CAPN5: variants seen among roughly 807,000 people sequenced by gnomAD.
CAPN5 encodes the protein calpain-5.
In CAPN5, 54 loss-of-function variants were observed where a neutral mutation model predicts 73.0. That is an observed-to-expected ratio of 0.74 (90% confidence interval 0.59 to 0.93). The LOEUF is 0.93. CAPN5 is among the 40% of genes least tolerant of loss of function. The pLI, the probability that CAPN5 is intolerant of heterozygous loss-of-function variation, is 0.00. For missense variants in CAPN5, 785 were observed against 882.9 expected, an observed-to-expected ratio of 0.89 and a Z score of 1.41; for synonymous variants, 335 against 356.9, an observed-to-expected ratio of 0.94 and a Z score of 0.69.
At chr11:77,106,918 C>T (rs1196215894) in intron 3 of CAPN5, among the ~76,000 whole-genome samples, 2 of 152,216 alleles carry the variant, frequency 1.3e-5, no homozygotes, top group African/African-American at 4.8e-5. Flanking sequence ...CCTCCTCCGT[C>T]ACCATCGCCA....
chr11:77,106,450 C>G (rs1316852455), intron 3 of CAPN5, among the ~76,000 whole-genome samples: 1 of 152,116 alleles, frequency 6.6e-6, no homozygotes, highest in Admixed American at 6.5e-5. Flanking sequence ...CCCTGGAAAC[C>G]ACAGGGAAAG....
Position 77,114,338 on chromosome 11 carries a change from G to A in CAPN5, c.603G>A (p.Glu201=), listed in dbSNP as rs782330727. 1 of 1,614,212 alleles carries A rather than the reference G, an allele frequency of 6.2e-7. No homozygotes were observed. The highest frequency in any genetic ancestry group is 8.5e-7 in the Non-Finnish European group (1 of 1,180,044). Residue 201 remains glutamate (E), a synonymous_variant, in exon 5 of 13, where the codon GAG becomes GAA. Transcript: ENST00000648180. ...TTTCTGAGCCCATCGACCTGACCGA[G>A]GGTGACTTTGCCAACGATGAGACTA... The part of the protein sequence containing the change: ...GGVSEPIDLT[E]GDFANDETKR...
intron 3 of CAPN5, among the ~76,000 whole-genome samples, chr11:77,101,570 G>C: frequency 6.6e-6 from 1 of 152,156 alleles, no homozygotes; most frequent in East Asian, 1.9e-4. Flanking sequence ...GTCTCCCTTG[G>C]TGCCCCTCTG....
Position 77,093,781 on chromosome 11 carries a change from T to C in CAPN5, c.265T>C (p.Ser89Pro). The C allele has an allele frequency of 2.5e-6, 4 of 1,611,956 alleles. No individual in the cohort carries two copies. The highest frequency in any genetic ancestry group is 3.4e-6 in the Non-Finnish European group (4 of 1,179,962). The change falls in exon 3 of 13, where the codon TCA becomes CCA. Residue 89 changes from serine to proline, a missense_variant. By Grantham distance (74) the Ser-to-Pro change is moderately conservative (BLOSUM62 -1). Coordinates refer to ENST00000648180, the MANE Select transcript of CAPN5 (RefSeq NM_004055.5). ...CTGCTGGTTTGTGGCAGCCTGCTCG[T>C]CACTTGCCTCCCGGGAGTCGCTGTG... ...GNCWFVAACS[S>P]LASRESLWQK...
intron 3 of CAPN5, chr11:77,103,372 C>A: frequency 6.3e-7 from 1 of 1,575,040 alleles, no homozygotes; most frequent in South Asian, 1.2e-5. Context: ...CCCACCTGTG[C>A]TCTCCCCTGC....
intron 1 of CAPN5, among the ~76,000 whole-genome samples, chr11:77,076,270 G>A (rs1019843166): frequency 5.9e-5 from 9 of 152,270 alleles, no homozygotes; most frequent in African/African-American, 1.4e-4. Context: ...CAGGAGAATC[G>A]CTTGAATCCA....
At chr11:77,077,791 A>T (rs184977544) in intron 1 of CAPN5, among the ~76,000 whole-genome samples, 19 of 152,326 alleles carry the variant, frequency 1.2e-4, no homozygotes, top group African/African-American at 4.6e-4. Context: ...CTGGGATTAC[A>T]TGCATAAGCC....
rs578171860 is a variant in CAPN5, at chr11:77,119,389, G to T, written c.1290+237G>T. Reference sequence around the variant, plus strand: ...CTCAGCCTGATTTCTTTCTGCCTAAGACCCACAGGCCTGGGATGTTTGGTG... The same window carrying T: ...CTCAGCCTGATTTCTTTCTGCCTAATACCCACAGGCCTGGGATGTTTGGTG... On this transcript the variant is annotated intron_variant, in intron 9 of 12. Transcript: ENST00000648180. 8 of 551,556 alleles carry T rather than the reference G, an allele frequency of 1.5e-5. No homozygotes were observed. The South Asian group carries it at 1.5e-4, about 10-fold the overall frequency. The allele number at this position is 551,556 out of a possible 1,614,324, so 34.2% of individuals were successfully genotyped here.
chr11:77,082,306 C>T (rs373191858), intron 1 of CAPN5, among the ~76,000 whole-genome samples: 56 of 152,252 alleles, frequency 3.7e-4, no homozygotes, highest in African/African-American at 1.3e-3. Flanking sequence ...TGGTCCTGAA[C>T]CCCACCCAGG....
Position 77,114,225 on chromosome 11 carries a change from T to C in CAPN5, c.507-17T>C, listed in dbSNP as rs763911222. 2.1e-4 allele frequency: 333 copies of C among 1,611,928 alleles called. No homozygotes were observed. The highest frequency in any genetic ancestry group is 2.7e-4 in the Non-Finnish European group (317 of 1,178,090). On this transcript the variant is annotated splice_polypyrimidine_tract_variant and intron_variant, in intron 4 of 12. Coordinates refer to ENST00000648180, the MANE Select transcript of CAPN5 (RefSeq NM_004055.5). ...TGGGGAGCATGAGCTGGGAAGTCTT[T>C]CCACATTGCTTCCCAGACTGGCAGG...
At chr11:77,115,675 C>T (rs1950460412) in intron 6 of CAPN5, 87 bp downstream of exon 6, 2 of 1,108,442 alleles carry the variant, frequency 1.8e-6, no homozygotes, top group Non-Finnish European at 2.6e-6. Context: ...GGCACTGGGG[C>T]TGGGCCTTGA....
chr11:77,105,479 G>A (rs1218826967), intron 3 of CAPN5, among the ~76,000 whole-genome samples: 1 of 152,208 alleles, frequency 6.6e-6, no homozygotes, highest in Non-Finnish European at 1.5e-5. Context: ...GCCGCCGAGG[G>A]CTTGGGGTAG....
rs150952309 is a variant in CAPN5, at chr11:77,082,578, A to T, written c.-35-2274A>T. ...CTGTGCAAGGGCCGGGGCCAGAAGA[A>T]CCTCACATAAGTAGGCCAAGGTTAG... On this transcript the variant is annotated intron_variant, in intron 1 of 12. Transcript: ENST00000648180. Among the ~76,000 whole-genome samples, 52 of 152,086 alleles carry T rather than the reference A, an allele frequency of 3.4e-4. No homozygotes were observed. In the East Asian group the frequency reaches 9.9e-3, roughly 29 times the overall value.
At chr11:77,100,084 G>A (rs771027362) in intron 3 of CAPN5, among the ~76,000 whole-genome samples, 17 of 152,172 alleles carry the variant, frequency 1.1e-4, no homozygotes, top group Admixed American at 1.0e-3. Context: ...TGATCCACCC[G>A]CCTCGGCCTC....
chr11:77,123,880 A>C lies in CAPN5; in HGVS notation c.*10A>C. The stretch of plus-strand genomic sequence containing the variant: ...CCTCATGGCTGTCTGACACCTGCCC[A>C]CCTACCTGGCTCTGACCGTTCCCAC... On this transcript the variant is annotated 3_prime_UTR_variant, in exon 13 of 13. Coordinates refer to ENST00000648180, the MANE Select transcript of CAPN5 (RefSeq NM_004055.5). 6.2e-7 allele frequency: 1 copy of C among 1,610,732 alleles called. No individual in the cohort carries two copies. The highest frequency in any genetic ancestry group is 1.1e-5 in the South Asian group (1 of 90,694).
intron 5 of CAPN5, 136 bp from the exon 6 acceptor site, chr11:77,115,259 C>G: frequency 1.5e-6 from 1 of 665,134 alleles, no homozygotes; most frequent in Non-Finnish European, 2.5e-6. Flanking sequence ...GCTCTGTGAA[C>G]ACAGCACTGC....
chr11:77,100,820 G>T (rs1187868605), intron 3 of CAPN5, among the ~76,000 whole-genome samples: 1 of 152,174 alleles, frequency 6.6e-6, no homozygotes, highest in Non-Finnish European at 1.5e-5. Context: ...CTAACGTCCT[G>T]CCCTCTCGCT....
intron 3 of CAPN5, among the ~76,000 whole-genome samples, chr11:77,111,094 G>A (rs1252643820): frequency 2.0e-5 from 3 of 152,106 alleles, no homozygotes; most frequent in African/African-American, 4.8e-5. Context: ...CTTGGGGGAC[G>A]CCTGTAGCAG....
chr11:77,085,311 G>A (rs1321604133), intron 2 of CAPN5, among the ~76,000 whole-genome samples: 1 of 152,190 alleles, frequency 6.6e-6, no homozygotes, highest in African/African-American at 2.4e-5. Context: ...CAGGAAAAAT[G>A]GGGCAGTAAC....
Sources: allele counts gnomAD v4.1 joint callset (sites outside exome capture counted in the v4.1 genomes callset), GRCh38; gene constraint gnomAD v4.1.1; transcripts MANE v1.5; gene names NCBI Gene and HGNC (gene_info 2026-07-23, HGNC 2026-07-21).